ABCB1: variants seen among roughly 807,000 people sequenced by gnomAD.
ABCB1 encodes ATP binding cassette subfamily B member 1.
ABCB1 carries 69 observed loss-of-function variants against 142.0 expected under a neutral mutation model. The observed-to-expected ratio is 0.49, with a 90% CI of 0.40 to 0.59. ABCB1 has a LOEUF of 0.59. Ranked by LOEUF, ABCB1 falls within the 20% of genes least tolerant of loss-of-function variation. The pLI, the probability that ABCB1 is intolerant of heterozygous loss-of-function variation, is 0.00. For missense variants in ABCB1, 1,326 were observed against 1,554.7 expected (o/e 0.85, Z 2.47); for synonymous variants, 532 against 539.2 (o/e 0.99, Z 0.18).
intron 1 of ABCB1, among the ~76,000 whole-genome samples, chr7:87,611,567 G>T (rs1819851336): frequency 6.6e-6 from 1 of 151,330 alleles, no homozygotes; most frequent in African/African-American, 2.4e-5. Flanking sequence ...TTTTTTTAGG[G>T]CTGTGTAGAA....
At position 87,598,744 on chromosome 7, in the gene ABCB1, T is replaced by C. The variant is rs28381806; in HGVS notation, c.68+1373A>G. 4.8e-3 allele frequency among the ~76,000 whole-genome samples: 730 copies of C among 152,346 alleles called. 3 individuals carry two copies. The highest frequency in any genetic ancestry group is 0.017 in the African/African-American group (690 of 41,586). ...TCAAAATCAGTTACAGTTACGATGT[T>C]CTTTGATGCTCAAATTGTCCCAGAG... On this transcript the variant is annotated intron_variant, in intron 2 of 27. Transcript: ENST00000622132.
intron 7 of ABCB1, chr7:87,564,282 GT>G (rs1453332044): frequency 1.9e-5 from 6 of 320,612 alleles, no homozygotes; most frequent in Non-Finnish European, 3.6e-5. Context: ...TCCAGGAGCG[GT>G]TTAATATTCA....
chr7:87,529,643 T>A (rs1383492883), intron 21 of ABCB1, among the ~76,000 whole-genome samples: 1 of 152,120 alleles, frequency 6.6e-6, no homozygotes, highest in Non-Finnish European at 1.5e-5. Flanking sequence ...GATTGTATCA[T>A]CTTCTTCCTA....
intron 1 of ABCB1, among the ~76,000 whole-genome samples, chr7:87,676,703 CAAAAAAA>C (rs57480483): frequency 5.7e-4 from 26 of 45,432 alleles, no homozygotes; most frequent in South Asian, 8.2e-4. Context: ...GACCCTGTCT[CAAAAAAA>C]AAAAAAAAAA....
At chr7:87,648,476 T>A (rs1823250049) in intron 1 of ABCB1, among the ~76,000 whole-genome samples, 1 of 151,718 alleles carries the variant, frequency 6.6e-6, no homozygotes, top group Non-Finnish European at 1.5e-5. Flanking sequence ...GCATTGAAAG[T>A]GTAAAGGAAA....
chr7:87,565,626 C>T (rs1817753023), intron 7 of ABCB1: 1 of 333,204 alleles, frequency 3.0e-6, no homozygotes, highest in Non-Finnish European at 5.9e-6. Context: ...TCTAGAAAGC[C>T]AAAAACATTA....
At chr7:87,602,202 C>T (rs1435734351), upstream of ABCB1, among the ~76,000 whole-genome samples, 1 of 151,716 alleles carries the variant, frequency 6.6e-6, no homozygotes, top group East Asian at 1.9e-4. Context: ...ACTGTGTTAG[C>T]CAGGATGGTC....
At chr7:87,710,456 A>G in intron 1 of ABCB1, 3 of 635,570 alleles carry the variant, frequency 4.7e-6, no homozygotes, top group Admixed American at 3.2e-5. Flanking sequence ...CTTAGTCGTT[A>G]TCAAATGTAT....
At chr7:87,559,295 T>G (rs1817448572) in intron 8 of ABCB1, among the ~76,000 whole-genome samples, 2 of 152,218 alleles carry the variant, frequency 1.3e-5, no homozygotes, top group South Asian at 4.1e-4. Context: ...TACTCAGATC[T>G]TCTCCTTCTT....
At chr7:87,637,054 C>G (rs2130251560) in intron 1 of ABCB1, among the ~76,000 whole-genome samples, 1 of 152,308 alleles carries the variant, frequency 6.6e-6, no homozygotes, top group East Asian at 1.9e-4. Flanking sequence ...TACTCACTAT[C>G]ATGAGACTAG....
intron 1 of ABCB1, among the ~76,000 whole-genome samples, chr7:87,613,724 G>A (rs1236804069): frequency 6.6e-6 from 1 of 152,150 alleles, no homozygotes; most frequent in Non-Finnish European, 1.5e-5. Flanking sequence ...AGGGGAGCAA[G>A]AGTTGATCTA....
intron 1 of ABCB1, among the ~76,000 whole-genome samples, chr7:87,669,202 GTTGAA>G (rs1563118707): frequency 6.6e-6 from 1 of 152,034 alleles, no homozygotes; most frequent in Non-Finnish European, 1.5e-5. Context: ...AGGTTTTTTT[GTTGAA>G]TTGAATCCTT....
At chr7:87,705,787 T>C (rs986077866) in intron 1 of ABCB1, among the ~76,000 whole-genome samples, 1 of 152,180 alleles carries the variant, frequency 6.6e-6, no homozygotes, top group Non-Finnish European at 1.5e-5. Context: ...CTTATAAACA[T>C]ATTATATGAT....
intron 1 of ABCB1, among the ~76,000 whole-genome samples, chr7:87,698,779 A>G (rs1050698183): frequency 1.3e-5 from 2 of 152,214 alleles, no homozygotes; most frequent in Non-Finnish European, 2.9e-5. Context: ...ATAATCAAGT[A>G]AAGAAATACT....
chr7:87,642,446 G>A (rs1475783405), intron 1 of ABCB1, among the ~76,000 whole-genome samples: 1 of 151,930 alleles, frequency 6.6e-6, no homozygotes, highest in Non-Finnish European at 1.5e-5. Flanking sequence ...AAGAATAATT[G>A]GATTCCCAAG....
intron 1 of ABCB1, among the ~76,000 whole-genome samples, chr7:87,696,975 A>C (rs1828546250): frequency 6.6e-6 from 1 of 152,164 alleles, no homozygotes; most frequent in African/African-American, 2.4e-5. Context: ...TCTCTCCTCC[A>C]AAACAGGGCT....
chr7:87,613,011 G>GTTT (rs71117545), intron 1 of ABCB1, among the ~76,000 whole-genome samples: 1 of 134,806 alleles, frequency 7.4e-6, no homozygotes, highest in African/African-American at 2.8e-5. Context: ...GTTTTGGTGG[G>GTTT]TTTTTTTTTT....
At chr7:87,600,254 A>C in intron 1 of ABCB1, 64 bp from the exon 2 acceptor site, 6 of 1,330,876 alleles carry the variant, frequency 4.5e-6, no homozygotes, top group Non-Finnish European at 6.4e-6. Context: ...AGGTGAGACT[A>C]ACCTCTAGTC....
rs541892728 is a variant in ABCB1 at position 87,658,567 on chromosome 7, A to G, written c.-331+54594T>C. On this transcript the variant is annotated intron_variant, in intron 1 of 28. Coordinates refer to the ABCB1 transcript ENST00000265724. Reference sequence around the variant, plus strand: ...AACCACAAATAGGAAAAATTCAAATAAATTCATGCCAAAGGCACGATAATT... The same window carrying G: ...AACCACAAATAGGAAAAATTCAAATGAATTCATGCCAAAGGCACGATAATT... 1.1e-4 allele frequency among the ~76,000 whole-genome samples: 16 copies of G among 152,338 alleles called. 1 individual carries two copies. In the South Asian group the frequency reaches 3.3e-3, roughly 32 times the overall value.
Sources: gnomAD v4.1 joint callset for allele counts (sites outside exome capture counted in the v4.1 genomes callset) on GRCh38, gnomAD v4.1.1 for gene constraint, MANE v1.5 for transcripts, NCBI Gene and HGNC (gene_info 2026-07-23, HGNC 2026-07-21) for gene names.